The following CABLES1 variants were observed in gnomAD, a reference collection of about 807,000 sequenced individuals.
CABLES1 encodes Cdk5 and Abl enzyme substrate 1, also known as CDK5 and ABL1 enzyme substrate 1.
Under a neutral mutation model 57.8 loss-of-function variants are expected in CABLES1, and 36 were observed. The ratio of observed to expected loss-of-function variants is 0.62; its 90% CI spans 0.48 to 0.82. The LOEUF is 0.82. Among genes scored for constraint, CABLES1 ranks in the 40% least tolerant of loss-of-function variants. CABLES1 has a pLI of 0.00. For missense variants in CABLES1, 767 were observed against 836.6 expected, an observed-to-expected ratio of 0.92 and a Z score of 1.03; for synonymous variants, 374 against 363.0, an observed-to-expected ratio of 1.03 and a Z score of -0.35.
At chr18:23,222,019 A>T (rs1367760893) in intron 4 of CABLES1, among the ~76,000 whole-genome samples, 1 of 152,128 alleles carries the variant, frequency 6.6e-6, no homozygotes, top group Non-Finnish European at 1.5e-5. Flanking sequence ...GTCTAGTGAG[A>T]CTGCATAGAT....
At chr18:23,148,141 C>T (rs1164127243) in intron 1 of CABLES1, among the ~76,000 whole-genome samples, 1 of 152,084 alleles carries the variant, frequency 6.6e-6, no homozygotes, top group Non-Finnish European at 1.5e-5. Context: ...AGGCGCCCGC[C>T]ACCATGCCCG....
chr18:23,249,962 G>A (rs991460962), intron 7 of CABLES1, among the ~76,000 whole-genome samples: 1 of 152,194 alleles, frequency 6.6e-6, no homozygotes, highest in African/African-American at 2.4e-5. Context: ...TCAGGTCTGG[G>A]GTGAGCCTTT....
chr18:23,181,214 G>A (rs1236913062), intron 1 of CABLES1, among the ~76,000 whole-genome samples: 2 of 152,056 alleles, frequency 1.3e-5, no homozygotes, highest in East Asian at 1.9e-4. Flanking sequence ...GGCCAGCCGC[G>A]GTGTAATCCC....
chr18:23,187,292 C>A (rs546450675), intron 1 of CABLES1, among the ~76,000 whole-genome samples: 1 of 152,162 alleles, frequency 6.6e-6, no homozygotes, highest in Admixed American at 6.5e-5. Flanking sequence ...ACACAGAGGG[C>A]GATGTGTGTG....
At chr18:23,152,570 T>A (rs1424917936) in intron 1 of CABLES1, among the ~76,000 whole-genome samples, 2 of 150,124 alleles carry the variant, frequency 1.3e-5, no homozygotes, top group East Asian at 4.0e-4. Flanking sequence ...CTGCAACCTC[T>A]GCCTCCTGGG....
At chr18:23,209,281 C>T (rs773597885) in intron 3 of CABLES1, among the ~76,000 whole-genome samples, 11 of 152,184 alleles carry the variant, frequency 7.2e-5, no homozygotes, top group Admixed American at 2.6e-4. Context: ...TACATACAGG[C>T]GTCAGTGCTA....
chr18:23,194,805 G>A (rs963402746), intron 3 of CABLES1, among the ~76,000 whole-genome samples: 1 of 152,172 alleles, frequency 6.6e-6, no homozygotes, highest in Non-Finnish European at 1.5e-5. Context: ...ACACATGAAC[G>A]GATTTTTATA....
intron 7 of CABLES1, among the ~76,000 whole-genome samples, chr18:23,248,190 C>T (rs1341084930): frequency 3.9e-5 from 6 of 152,182 alleles, no homozygotes; most frequent in African/African-American, 9.7e-5. Flanking sequence ...GGGAGTGTGG[C>T]GCAGGGGCAG....
intron 5 of CABLES1, 78 bp from the exon 6 acceptor site, chr18:23,235,817 C>T: frequency 2.2e-6 from 3 of 1,375,970 alleles, no homozygotes; most frequent in Non-Finnish European, 3.1e-6. Context: ...TGTGGGGTGA[C>T]AACTGTAGCT....
chr18:23,256,403 G>A (rs1568097912), intron 9 of CABLES1, among the ~76,000 whole-genome samples: 1 of 152,196 alleles, frequency 6.6e-6, no homozygotes, highest in African/African-American at 2.4e-5. Flanking sequence ...AAGATGAAAG[G>A]ACTGAACTAC....
chr18:23,166,255 G>A (rs1395076597), intron 1 of CABLES1, among the ~76,000 whole-genome samples: 2 of 150,882 alleles, frequency 1.3e-5, no homozygotes, highest in Non-Finnish European at 2.9e-5. Flanking sequence ...AGGCTGGAGT[G>A]CAATGGGGCA....
At chr18:23,166,601 G>T (rs1003124755) in intron 1 of CABLES1, among the ~76,000 whole-genome samples, 1 of 152,228 alleles carries the variant, frequency 6.6e-6, no homozygotes, top group East Asian at 1.9e-4. Flanking sequence ...TTCAAATTAC[G>T]CATAAACCTA....
At chr18:23,146,192 A>G (rs1285178613) in intron 1 of CABLES1, among the ~76,000 whole-genome samples, 3 of 152,262 alleles carry the variant, frequency 2.0e-5, no homozygotes, top group Non-Finnish European at 4.4e-5. Context: ...GTGGCGGGGT[A>G]GAGGAACAAA....
intron 1 of CABLES1, among the ~76,000 whole-genome samples, chr18:23,166,972 C>T (rs796985195): frequency 4.6e-5 from 7 of 152,168 alleles, no homozygotes; most frequent in African/African-American, 1.7e-4. Flanking sequence ...GGTGGCATTT[C>T]CCCCGTTTTA....
chr18:23,183,945 G>A (rs1446229913), intron 1 of CABLES1, among the ~76,000 whole-genome samples: 1 of 152,132 alleles, frequency 6.6e-6, no homozygotes, highest in African/African-American at 2.4e-5. Context: ...AAGACACTAC[G>A]ACATACCTTG....
intron 4 of CABLES1, among the ~76,000 whole-genome samples, chr18:23,221,793 G>C (rs1338708059): frequency 6.6e-6 from 1 of 152,150 alleles, no homozygotes; most frequent in Admixed American, 6.5e-5. Flanking sequence ...TGGGTATCAT[G>C]AGCTAGTCTA....
At position 23,237,124 on chromosome 18, in the gene CABLES1, T is replaced by C. The variant is rs1287272573; in HGVS notation, c.1343-18T>C. The C allele has an allele frequency of 1.7e-5, 26 of 1,495,400 alleles. No individual in the cohort carries two copies. The highest frequency in any genetic ancestry group is 2.4e-5 in the Non-Finnish European group (26 of 1,071,810). The allele number at this position is 1,495,400 out of a possible 1,614,324, so 92.6% of individuals were successfully genotyped here. ...GGAGCCGCTAATTATCATTTTGCATTTTGCATGTGATCTTCAGGTAGTGAC... is the reference window on the plus strand; with the variant it reads ...GGAGCCGCTAATTATCATTTTGCATCTTGCATGTGATCTTCAGGTAGTGAC... On this transcript the variant is annotated intron_variant, in intron 6 of 9. Transcript: ENST00000256925.
At chr18:23,232,984 C>G (rs759454267) in intron 4 of CABLES1, among the ~76,000 whole-genome samples, 19 of 152,278 alleles carry the variant, frequency 1.2e-4, no homozygotes, top group Non-Finnish European at 2.1e-4. Flanking sequence ...GAGCAATTTG[C>G]CCCTGCCTTA....
chr18:23,148,966 T>C (rs1568043242), intron 1 of CABLES1, among the ~76,000 whole-genome samples: 4 of 152,148 alleles, frequency 2.6e-5, no homozygotes, highest in Non-Finnish European at 5.9e-5. Context: ...CTCAGTTTAC[T>C]GCAACCTCTG....
Sources: gnomAD v4.1 joint callset for allele counts (sites outside exome capture counted in the v4.1 genomes callset) on GRCh38, gnomAD v4.1.1 for gene constraint, MANE v1.5 for transcripts, NCBI Gene and HGNC (gene_info 2026-07-23, HGNC 2026-07-21) for gene names.